Variants in GCNT2 observed in about 807,000 individuals in gnomAD.
The protein encoded by GCNT2 is glucosaminyl (N-acetyl) transferase 2 (I blood group).
A neutral mutation model predicts 34.2 loss-of-function variants in GCNT2; 34 were observed. That is an observed-to-expected ratio of 1.00 (90% CI 0.76 to 1.32). GCNT2 has a LOEUF of 1.32. Ranked by LOEUF, GCNT2 falls within the 40% of genes most tolerant of loss-of-function variation. The probability of loss-of-function intolerance (pLI) is 0.00; values close to 1 mark genes in which losing one functional copy is unlikely to be tolerated. For missense variants in GCNT2, 584 were observed against 489.4 expected (o/e 1.19, Z -1.82); for synonymous variants, 212 against 188.0 (o/e 1.13, Z -1.04).
intron 4 of GCNT2, 35 bp downstream of exon 4, chr6:10,621,478 C>A: frequency 1.5e-6 from 2 of 1,338,136 alleles, no homozygotes; most frequent in Non-Finnish European, 2.2e-6. Context: ...AGGCCACTGC[C>A]TGTTGGTGTT....
At chr6:10,584,872 C>A (rs1330005794) in intron 3 of GCNT2, among the ~76,000 whole-genome samples, 1 of 152,160 alleles carries the variant, frequency 6.6e-6, no homozygotes, top group Non-Finnish European at 1.5e-5. Context: ...TACATAGACA[C>A]AGTAACAATC....
intron 3 of GCNT2, among the ~76,000 whole-genome samples, chr6:10,542,075 G>T (rs917867516): frequency 1.3e-5 from 2 of 152,100 alleles, no homozygotes; most frequent in African/African-American, 4.8e-5. Context: ...CAATTGTGTT[G>T]TTGCTTTCAT....
chr6:10,623,493 T>C (rs1023236513), intron 4 of GCNT2, among the ~76,000 whole-genome samples: 1 of 152,062 alleles, frequency 6.6e-6, no homozygotes, highest in Non-Finnish European at 1.5e-5. Context: ...GGTTTCACCA[T>C]GTTGGCCAGA....
chr6:10,523,328 A>T (rs1761013756), intron 1 of GCNT2, among the ~76,000 whole-genome samples: 1 of 150,746 alleles, frequency 6.6e-6, no homozygotes, highest in South Asian at 2.1e-4. Flanking sequence ...CGGGAGGCTG[A>T]GGCAGGAGAA....
At chr6:10,522,713 T>G (rs994605476) in intron 1 of GCNT2, among the ~76,000 whole-genome samples, 6 of 152,196 alleles carry the variant, frequency 3.9e-5, no homozygotes, top group African/African-American at 1.4e-4. Context: ...ATGGCAGTAA[T>G]TTTTGGTTCC....
chr6:10,563,777 A>AAATAT (rs1554130891), intron 3 of GCNT2, among the ~76,000 whole-genome samples: 12 of 24,712 alleles, frequency 4.9e-4, no homozygotes, highest in African/African-American at 1.0e-3. Context: ...AAAAAAAAAA[A>AAATAT]ATATATATAT....
At chr6:10,556,863 A>G in intron 3 of GCNT2, 2 of 1,614,164 alleles carry the variant, frequency 1.2e-6, no homozygotes, top group South Asian at 2.2e-5. Context: ...TGCTTCCCAA[A>G]CGCTTTTCTG....
rs1358157004 is a variant in GCNT2 at position 10,574,969 on chromosome 6, T to G, written c.925+45133T>G. On this transcript the variant is annotated intron_variant, in intron 3 of 4. Transcript: ENST00000495262. ...GTGCTCAATACACACATTAATTCTC[T>G]TGGCAAGAATCTTGCCCTTAACTTG... The G allele has an allele frequency of 5.5e-6, 4 of 723,300 alleles. No individual in the cohort carries two copies. In the Admixed American group the frequency reaches 7.2e-5, roughly 13 times the overall value. The allele number at this position is 723,300 out of a possible 1,614,324, so 44.8% of individuals were successfully genotyped here. A position where few individuals can be genotyped will look rare whatever the true frequency, so the allele number is the denominator to read the frequency against.
rs541236290 is a variant in GCNT2, at chr6:10,578,061, A to G, written c.926-43290A>G. Among the ~76,000 whole-genome samples the G allele has an allele frequency of 5.3e-4, 81 of 152,164 alleles. 1 individual carries two copies. In the South Asian group the frequency reaches 0.016, roughly 30 times the overall value. ...CTCATTCAAGAAATATCTGTTGGGT[A>G]CCTCTGCTCTGCACTGCTATTTTCA... On this transcript the variant is annotated intron_variant, in intron 3 of 4. Transcript: ENST00000495262.
At chr6:10,583,144 G>A (rs1336508393) in intron 3 of GCNT2, among the ~76,000 whole-genome samples, 5 of 152,090 alleles carry the variant, frequency 3.3e-5, no homozygotes, top group Admixed American at 3.3e-4. Context: ...AAAATAACGG[G>A]GTTGTGATGG....
intron 3 of GCNT2, among the ~76,000 whole-genome samples, chr6:10,535,219 C>T (rs1360934008): frequency 6.6e-6 from 1 of 152,110 alleles, no homozygotes; most frequent in African/African-American, 2.4e-5. Flanking sequence ...GTCCATCCAG[C>T]AGGTCCTCTG....
chr6:10,558,879 TTGTTTCCACCATTCGCATATCATTG>T (rs1198869499), intron 3 of GCNT2, among the ~76,000 whole-genome samples: 1 of 152,278 alleles, frequency 6.6e-6, no homozygotes, highest in Non-Finnish European at 1.5e-5. Flanking sequence ...CTTTGATCTG[TTGTTTCCACCATTCGCATATCATTG>T]AGGAGCATTA....
chr6:10,615,763 T>TA (rs879891609), intron 3 of GCNT2, among the ~76,000 whole-genome samples: 1 of 152,196 alleles, frequency 6.6e-6, no homozygotes, highest in Non-Finnish European at 1.5e-5. Context: ...TTCTTGAAGA[T>TA]ACACTAAACA....
chr6:10,618,185 G>A (rs1022409419), intron 3 of GCNT2, among the ~76,000 whole-genome samples: 11 of 152,186 alleles, frequency 7.2e-5, no homozygotes, highest in Non-Finnish European at 1.3e-4. Context: ...AAAAAGAGTA[G>A]AATTCAACTT....
chr6:10,558,217 C>G (rs910620394), intron 3 of GCNT2, among the ~76,000 whole-genome samples: 1 of 152,164 alleles, frequency 6.6e-6, no homozygotes, highest in Admixed American at 6.5e-5. Flanking sequence ...GGGTTATTTT[C>G]TATCTCATTA....
At position 10,528,936 on chromosome 6, in the gene GCNT2, C is replaced by G. The variant is rs1283019370; in HGVS notation, c.25C>G (p.Leu9Val). ...AATGATGGGCTCTTGGAAGCACTGT[C>G]TTTTTAGCGCGTCTCTTATCTCTGC... Reference protein sequence around the residue: MMGSWKHCLFSASLISALI... With the variant: MMGSWKHCVFSASLISALI... The change falls in exon 3 of 5, where the codon CTT becomes GTT. Residue 9 changes from leucine to valine, a missense_variant. By Grantham distance (32) the Leu-to-Val change is conservative (BLOSUM62 1). Coordinates refer to ENST00000495262, the MANE Select transcript of GCNT2 (RefSeq NM_145649.5). 1.9e-6 allele frequency: 3 copies of G among 1,613,736 alleles called. No individual in the cohort carries two copies. Among genetic ancestry groups the G allele is most frequent in the South Asian group, 2.2e-5 (2 of 91,080 alleles).
chr6:10,549,993 T>C lies in GCNT2; in HGVS notation c.925+20157T>C, dbSNP rs377395334. Among the ~76,000 whole-genome samples the C allele has an allele frequency of 1.4e-3, 207 of 152,298 alleles. 5 individuals carry two copies. The South Asian group carries it at 0.042, about 31-fold the overall frequency. ...AGTAAATTTTGCTCTAGTGGTTAGA[T>C]TGTCCATCATTTGAGTTCATGTTTA... On this transcript the variant is annotated intron_variant, in intron 3 of 4. Coordinates refer to ENST00000495262, the MANE Select transcript of GCNT2 (RefSeq NM_145649.5).
At chr6:10,599,315 G>C (rs1320693211) in intron 3 of GCNT2, among the ~76,000 whole-genome samples, 2 of 152,334 alleles carry the variant, frequency 1.3e-5, no homozygotes, top group African/African-American at 4.8e-5. Context: ...TCCCAGGCCA[G>C]TGTTAACTGA....
At chr6:10,581,292 T>A (rs1764059082) in intron 3 of GCNT2, among the ~76,000 whole-genome samples, 1 of 152,138 alleles carries the variant, frequency 6.6e-6, no homozygotes, top group South Asian at 2.1e-4. Flanking sequence ...TTTTTTGAGA[T>A]GGAGTTTTGC....
Sources: gnomAD v4.1 joint callset for allele counts (sites outside exome capture counted in the v4.1 genomes callset) on GRCh38, gnomAD v4.1.1 for gene constraint, MANE v1.5 for transcripts, NCBI Gene and HGNC (gene_info 2026-07-23, HGNC 2026-07-21) for gene names.